Variants in HPSE2 observed in about 807,000 individuals in gnomAD.
The protein encoded by HPSE2 is inactive heparanase-2.
HPSE2 carries 38 observed loss-of-function variants against 60.5 expected under a neutral mutation model. The ratio of observed to expected loss-of-function variants is 0.63; its 90% CI spans 0.48 to 0.82. HPSE2 has a LOEUF of 0.82. Among genes scored for constraint, HPSE2 ranks in the 40% least tolerant of loss-of-function variants. The pLI, the probability that HPSE2 is intolerant of heterozygous loss-of-function variation, is 0.00. For synonymous variants in HPSE2, 295 were observed against 293.2 expected (o/e 1.01, Z -0.06); for missense variants, 713 against 740.4 (o/e 0.96, Z 0.43).
chr10:99,268,982 CCCA>C, the HPSE2 span, among the ~76,000 whole-genome samples: 7 of 151,784 alleles, frequency 4.6e-5, no homozygotes, highest in Admixed American at 3.3e-4. Flanking sequence ...ATGATGAAAC[CCCA>C]TCTCAACTAA....
At chr10:99,315,234 A>G in the HPSE2 span, among the ~76,000 whole-genome samples, 133,672 of 152,256 alleles carry the variant, frequency 0.88, 58,914 homozygotes, top group African/African-American at 0.94. Flanking sequence ...CACAAGGTGC[A>G]TGACAGTTCC....
chr10:98,544,559 A>C (rs541115639), intron 9 of HPSE2, among the ~76,000 whole-genome samples: 1 of 151,654 alleles, frequency 6.6e-6, no homozygotes, highest in East Asian at 1.9e-4. Flanking sequence ...AAAACACAAA[A>C]AAAATTAGCC....
chr10:99,260,608 C>T, the HPSE2 span, among the ~76,000 whole-genome samples: 1 of 152,110 alleles, frequency 6.6e-6, no homozygotes, highest in African/African-American at 2.4e-5. Flanking sequence ...ACATTTTATC[C>T]GTGGACCCAA....
intron 5 of HPSE2, among the ~76,000 whole-genome samples, chr10:98,702,248 CAAG>C (rs1297287282): frequency 3.3e-5 from 5 of 152,106 alleles, no homozygotes; most frequent in African/African-American, 9.7e-5. Context: ...ATCGATTCAA[CAAG>C]AAGAGCCAAC....
chr10:99,102,607 A>G (rs1319097574), intron 3 of HPSE2, among the ~76,000 whole-genome samples: 1 of 152,224 alleles, frequency 6.6e-6, no homozygotes, highest in African/African-American at 2.4e-5. Flanking sequence ...ATAGAAAAAG[A>G]GGGAATCCTC....
chr10:99,086,142 T>C (rs1843306999), intron 3 of HPSE2, among the ~76,000 whole-genome samples: 1 of 152,102 alleles, frequency 6.6e-6, no homozygotes, highest in Non-Finnish European at 1.5e-5. Context: ...CTTCTATATA[T>C]AGTATAGTAT....
At chr10:99,280,525 T>C in the HPSE2 span, among the ~76,000 whole-genome samples, 40 of 152,166 alleles carry the variant, frequency 2.6e-4, no homozygotes, top group Non-Finnish European at 3.7e-4. Flanking sequence ...CACCTTTCAT[T>C]AGAGAAGCTA....
chr10:98,558,699 C>A (rs1447522774), intron 9 of HPSE2, among the ~76,000 whole-genome samples: 1 of 152,196 alleles, frequency 6.6e-6, no homozygotes, highest in Non-Finnish European at 1.5e-5. Flanking sequence ...CATTTTCAGT[C>A]TGTGAACATT....
At chr10:99,208,172 G>A (rs1197774744) in intron 2 of HPSE2, among the ~76,000 whole-genome samples, 1 of 151,580 alleles carries the variant, frequency 6.6e-6, no homozygotes, top group African/African-American at 2.4e-5. Context: ...TGAAAGTTCA[G>A]AAAGCAAAAC....
At chr10:98,760,722 A>G (rs372556764) in intron 3 of HPSE2, among the ~76,000 whole-genome samples, 1 of 151,954 alleles carries the variant, frequency 6.6e-6, no homozygotes, top group Non-Finnish European at 1.5e-5. Flanking sequence ...GAATTTTTGC[A>G]TTTTTGTCCA....
chr10:98,943,239 C>G (rs1008843442), intron 3 of HPSE2, among the ~76,000 whole-genome samples: 1 of 148,706 alleles, frequency 6.7e-6, no homozygotes, highest in Non-Finnish European at 1.5e-5. Flanking sequence ...AATAATAATA[C>G]AATAAAAAAT....
chr10:99,220,836 C>A (rs1464669936), intron 2 of HPSE2, among the ~76,000 whole-genome samples: 17 of 140,180 alleles, frequency 1.2e-4, no homozygotes, highest in East Asian at 2.2e-4. Context: ...GGGAATGGAA[C>A]ATGAAGGGAG....
At chr10:99,163,220 A>G (rs1846918442) in intron 2 of HPSE2, among the ~76,000 whole-genome samples, 1 of 152,178 alleles carries the variant, frequency 6.6e-6, no homozygotes, top group Admixed American at 6.5e-5. Context: ...CAAAAAAAAA[A>G]AAAATAGCCT....
At chr10:98,942,505 G>T (rs943712078) in intron 3 of HPSE2, among the ~76,000 whole-genome samples, 6 of 151,640 alleles carry the variant, frequency 4.0e-5, no homozygotes, top group Non-Finnish European at 7.4e-5. Flanking sequence ...GGCCATCAGA[G>T]AAATGCAAAT....
intron 9 of HPSE2, among the ~76,000 whole-genome samples, chr10:98,562,543 C>T (rs1422347810): frequency 6.6e-6 from 1 of 151,912 alleles, no homozygotes; most frequent in Non-Finnish European, 1.5e-5. Context: ...GGTGAAACCC[C>T]ATCTGTACTA....
At chr10:99,186,129 C>CACAAACACACACAT (rs1554912909) in intron 2 of HPSE2, among the ~76,000 whole-genome samples, 8 of 141,610 alleles carry the variant, frequency 5.6e-5, no homozygotes, top group South Asian at 2.4e-4. Context: ...CACACACACA[C>CACAAACACACACAT]ACACACACAC....
chr10:98,932,620 C>A (rs1166161993), intron 3 of HPSE2, among the ~76,000 whole-genome samples: 1 of 131,288 alleles, frequency 7.6e-6, no homozygotes, highest in Non-Finnish European at 1.6e-5. Context: ...TTTTTTTTGG[C>A]TGGTAGGCTA....
the HPSE2 span, among the ~76,000 whole-genome samples, chr10:99,306,426 C>T: frequency 6.6e-6 from 1 of 152,150 alleles, no homozygotes; most frequent in East Asian, 1.9e-4. Flanking sequence ...ACAATAAAAG[C>T]TAAAGCCAGT....
intron 3 of HPSE2, among the ~76,000 whole-genome samples, chr10:98,970,557 A>G (rs1252313838): frequency 2.6e-5 from 4 of 152,204 alleles, no homozygotes; most frequent in Non-Finnish European, 4.4e-5. Flanking sequence ...TAATGATTCA[A>G]TAACACTGCT....
Sources: gnomAD v4.1 joint callset for allele counts (sites outside exome capture counted in the v4.1 genomes callset) on GRCh38, gnomAD v4.1.1 for gene constraint, MANE v1.5 for transcripts, NCBI Gene and HGNC (gene_info 2026-07-23, HGNC 2026-07-21) for gene names.